The following SLC15A2 variants were observed in gnomAD, a reference collection of about 807,000 sequenced individuals.
SLC15A2 encodes kidney H(+)/peptide cotransporter.
In SLC15A2, 77 loss-of-function variants were observed where a neutral mutation model predicts 95.5. That is an observed-to-expected ratio of 0.81 (90% confidence interval 0.67 to 0.97). SLC15A2 has a LOEUF of 0.97. Ranked by LOEUF, SLC15A2 falls within the 50% of genes least tolerant of loss-of-function variation. The pLI is 0.00. For synonymous variants in SLC15A2, 306 were observed against 306.9 expected (o/e 1.00, Z 0.03); for missense variants, 893 against 874.4 (o/e 1.02, Z -0.27).
At chr3:121,905,023 C>T (rs1179782938) in intron 3 of SLC15A2, among the ~76,000 whole-genome samples, 2 of 152,174 alleles carry the variant, frequency 1.3e-5, no homozygotes, top group Non-Finnish European at 2.9e-5. Context: ...GCCTCAGTTT[C>T]AGAACCTGTT....
intron 5 of SLC15A2, among the ~76,000 whole-genome samples, 167 bp downstream of exon 5, chr3:121,913,287 C>G (rs72961341): frequency 6.6e-5 from 10 of 152,218 alleles, no homozygotes; most frequent in African/African-American, 2.4e-4. Context: ...AAAACTGAAA[C>G]AGTTTCAAAG....
chr3:121,937,961 G>A (rs1443336439), intron 19 of SLC15A2, among the ~76,000 whole-genome samples: 1 of 151,706 alleles, frequency 6.6e-6, no homozygotes, highest in Non-Finnish European at 1.5e-5. Flanking sequence ...TGTCCTTTCT[G>A]TTTGTTAGTT....
chr3:121,912,192 G>A (rs1451873571), intron 4 of SLC15A2, among the ~76,000 whole-genome samples: 2 of 152,102 alleles, frequency 1.3e-5, no homozygotes, highest in East Asian at 3.8e-4. Flanking sequence ...GTGCCTGTGT[G>A]CCTGTGTACA....
rs138851684 is a variant in SLC15A2, at chr3:121,904,069, C to T, written c.335+6540C>T. 7.2e-3 allele frequency among the ~76,000 whole-genome samples: 1,099 copies of T among 152,220 alleles called. 14 individuals are homozygous for T. The highest frequency in any genetic ancestry group is 0.025 in the African/African-American group (1,049 of 41,538). ...TCTCCTTGAAGAGGTCCTTCACATC[C>T]CTTGTAAGTTGGATTCCTAGGTATT... On this transcript the variant is annotated intron_variant, in intron 3 of 21. Transcript: ENST00000489711.
chr3:121,922,994 G>A lies in SLC15A2; in HGVS notation c.868-46G>A, dbSNP rs763166979. On this transcript the variant is annotated intron_variant, in intron 9 of 21. Transcript: ENST00000489711. ...CTTCTACTTTAAGCAAGAAAGCCAT[G>A]TACAGAACTTCTAGCATTTCTGCCC... The A allele has an allele frequency of 3.1e-6, 5 of 1,595,016 alleles. No homozygotes were observed. In the East Asian group the frequency reaches 6.7e-5, roughly 21 times the overall value.
At chr3:121,899,933 CTG>C (rs1048101160) in intron 3 of SLC15A2, among the ~76,000 whole-genome samples, 2 of 152,074 alleles carry the variant, frequency 1.3e-5, no homozygotes, top group Non-Finnish European at 2.9e-5. Context: ...ACATTTCAGT[CTG>C]TTTATCATTT....
In SLC15A2 at chr3:121,915,274, T is replaced by C. The variant is rs749167942; in HGVS notation, c.576T>C (p.Asn192=). The C allele has an allele frequency of 6.2e-7, 1 of 1,614,014 alleles. No individual in the cohort carries two copies. The highest frequency in any genetic ancestry group is 8.5e-7 in the Non-Finnish European group (1 of 1,179,892). Residue 192 remains asparagine (N), a synonymous_variant, in exon 6 of 22, where the codon AAT becomes AAC. Coordinates refer to ENST00000489711, the MANE Select transcript of SLC15A2 (RefSeq NM_021082.4). ...TCTCAGTCTTCTACCTGTCCATCAA[T>C]GCAGGGAGCTTGATTTCTACATTTA... The part of the protein sequence containing the change: ...RYFSVFYLSI[N]AGSLISTFIT...
intron 11 of SLC15A2, 54 bp from the exon 12 acceptor site, chr3:121,924,296 AT>A (rs3215371): frequency 3.7e-5 from 52 of 1,410,676 alleles, no homozygotes; most frequent in Non-Finnish European, 4.4e-5. Flanking sequence ...CTAGGCCAAC[AT>A]TTTTTTTTCT....
intron 3 of SLC15A2, among the ~76,000 whole-genome samples, chr3:121,899,455 G>A (rs1262952998): frequency 2.6e-5 from 4 of 152,012 alleles, no homozygotes; most frequent in Admixed American, 2.6e-4. Flanking sequence ...CTAGAAGCAG[G>A]AGCAAATCTT....
chr3:121,939,408 C>T lies in SLC15A2; in HGVS notation c.1821C>T (p.Ser607=). 1 of 1,580,470 alleles carries T rather than the reference C, an allele frequency of 6.3e-7. No individual in the cohort carries two copies. The highest frequency in any genetic ancestry group is 8.6e-7 in the Non-Finnish European group (1 of 1,163,792). Residue 607 remains serine, a synonymous_variant, in exon 20 of 22, where the codon TCC becomes TCT. Transcript: ENST00000489711. ...AAGACATTCCAGCCAACAAAATGTCCATTGCGTGGCAGCTACCACAATATG... is the reference window on the plus strand; with the variant it reads ...AAGACATTCCAGCCAACAAAATGTCTATTGCGTGGCAGCTACCACAATATG... ...KIEDIPANKM[S]IAWQLPQYAL... is the part of the protein sequence containing the mutation.
intron 7 of SLC15A2, among the ~76,000 whole-genome samples, chr3:121,920,390 G>A (rs1217298017): frequency 1.3e-5 from 2 of 152,170 alleles, no homozygotes; most frequent in Non-Finnish European, 1.5e-5. Context: ...CCGCCTCTGA[G>A]GTTCAAGTGA....
At chr3:121,937,354 G>A (rs1710367874) in intron 19 of SLC15A2, among the ~76,000 whole-genome samples, 1 of 103,338 alleles carries the variant, frequency 9.7e-6, no homozygotes, top group Non-Finnish European at 1.9e-5. Context: ...ATATCCTGCA[G>A]AGTGTTTTCC....
rs1710477336 is a variant in SLC15A2, at chr3:121,942,319, A to T, written c.*1312A>T. ...AGAGGACAGACACGGGAATGGCACG[A>T]CTGTGCAGTGTGTTACTAGGAAAAA... On this transcript the variant is annotated 3_prime_UTR_variant, in exon 22 of 22. Coordinates refer to ENST00000489711, the MANE Select transcript of SLC15A2 (RefSeq NM_021082.4). The T allele has an allele frequency of 6.6e-6, 1 of 152,224 alleles. No individual in the cohort carries two copies. Among genetic ancestry groups the T allele is most frequent in the South Asian group, 2.1e-4 (1 of 4,834 alleles). The allele number at this position is 152,224 out of a possible 1,614,324, so 9.4% of individuals were successfully genotyped here. A position where few individuals can be genotyped will look rare whatever the true frequency, so the allele number is the denominator to read the frequency against.
chr3:121,937,993 C>G (rs1226203796), intron 19 of SLC15A2, among the ~76,000 whole-genome samples: 290 of 142,478 alleles, frequency 2.0e-3, no homozygotes, highest in African/African-American at 3.3e-3. Context: ...AGACAGGACC[C>G]TCAGCTGCAG....
At chr3:121,928,354 A>G in intron 14 of SLC15A2, 67 bp from the exon 15 acceptor site, 2 of 1,562,456 alleles carry the variant, frequency 1.3e-6, no homozygotes, top group Admixed American at 1.8e-5. Context: ...AACAACTGAG[A>G]TATGTGTTGC....
At chr3:121,906,596 T>G (rs1041282748) in intron 3 of SLC15A2, among the ~76,000 whole-genome samples, 4 of 152,174 alleles carry the variant, frequency 2.6e-5, no homozygotes, top group South Asian at 4.1e-4. Flanking sequence ...TGTAAAGGAT[T>G]TTATTTCTCC....
chr3:121,933,720 C>A (rs989147902), intron 19 of SLC15A2, among the ~76,000 whole-genome samples: 2 of 152,100 alleles, frequency 1.3e-5, no homozygotes, highest in African/African-American at 4.8e-5. Flanking sequence ...GTTGCCTATT[C>A]ACTCTGATGG....
chr3:121,902,621 G>C (rs1709542199), intron 3 of SLC15A2, among the ~76,000 whole-genome samples: 1 of 152,120 alleles, frequency 6.6e-6, no homozygotes, highest in Non-Finnish European at 1.5e-5. Flanking sequence ...TTGGTTTTCT[G>C]TCCTTGTGAT....
At chr3:121,923,290 G>A in intron 11 of SLC15A2, 24 bp downstream of exon 11, 2 of 1,609,198 alleles carry the variant, frequency 1.2e-6, no homozygotes, top group South Asian at 2.2e-5. Context: ...ATTTTCCAGA[G>A]AAGTCTATTA....
Sources: allele counts gnomAD v4.1 joint callset (sites outside exome capture counted in the v4.1 genomes callset), GRCh38; gene constraint gnomAD v4.1.1; transcripts MANE v1.5; gene names NCBI Gene and HGNC (gene_info 2026-07-23, HGNC 2026-07-21).